HERC2: variants seen among roughly 807,000 people sequenced by gnomAD.
The protein encoded by HERC2 is E3 ubiquitin-protein ligase HERC2.
Under a neutral mutation model 537.7 loss-of-function variants are expected in HERC2, and 102 were observed. The ratio of observed to expected loss-of-function variants is 0.19; its 90% confidence interval spans 0.16 to 0.22. The LOEUF (loss-of-function observed/expected upper bound fraction) is 0.22. Ranked by LOEUF, HERC2 falls within the 10% of genes least tolerant of loss-of-function variation. The pLI, the probability that HERC2 is intolerant of heterozygous loss-of-function variation, is 1.00. For missense variants in HERC2, 4,236 were observed against 6,198.2 expected (o/e 0.68, Z 10.63); for synonymous variants, 2,224 against 2,466.2 (o/e 0.90, Z 2.91).
At chr15:28,269,170 A>T in intron 11 of HERC2, 78 bp downstream of exon 11, 1 of 1,138,402 alleles carries the variant, frequency 8.8e-7, no homozygotes, top group Non-Finnish European at 1.2e-6. Context: ...CCTTAAAGAA[A>T]CACCAGAGCT....
intron 2 of HERC2, among the ~76,000 whole-genome samples, chr15:28,301,735 GTA>G (rs55977156): frequency 0.13 from 4,386 of 34,478 alleles, 459 homozygotes; most frequent in Non-Finnish European, 0.17. Flanking sequence ...GTATGTATGT[GTA>G]TATATATATA....
Position 28,113,561 on chromosome 15 carries a change from G to A in HERC2, c.14019+12C>T, listed in dbSNP as rs1339865359. 6.2e-7 allele frequency: 1 copy of A among 1,611,200 alleles called. No individual in the cohort carries two copies. Among genetic ancestry groups the A allele is most frequent in the Non-Finnish European group, 8.5e-7 (1 of 1,177,426 alleles). On this transcript the variant is annotated intron_variant, in intron 91 of 92. Coordinates refer to ENST00000261609, the MANE Select transcript of HERC2 (RefSeq NM_004667.6). This position sits in a 1 kb window ranked among gnomAD's most constrained non-coding sequence, Gnocchi z 7.0. ...GCAGCTGCAGGGCAGCCCCACCTGG[G>A]GGTCGGCATACCATCGTCTCCAGTT...
At chr15:28,296,251 AG>A (rs2076466463) in intron 3 of HERC2, among the ~76,000 whole-genome samples, 1 of 152,122 alleles carries the variant, frequency 6.6e-6, no homozygotes, top group African/African-American at 2.4e-5. Flanking sequence ...CGAGGTGGGC[AG>A]ATCATGAGGT....
Position 28,256,126 on chromosome 15 carries a change from C to T in HERC2, c.2709G>A (p.Glu903=). 1 of 1,602,182 alleles carries T rather than the reference C, an allele frequency of 6.2e-7. No homozygotes were observed. ...GGAGAGCAGAGAGTGCCCGGGCCCG[C>T]TCCTCCGCGGTGGGCAGCAGCACGG... ...GWSVLLPTAE[E]RARALSALLP... Residue 903 remains glutamate, a synonymous_variant, in exon 18 of 93, where the codon GAG becomes GAA. Coordinates refer to ENST00000261609, the MANE Select transcript of HERC2 (RefSeq NM_004667.6).
chr15:28,321,883 G>A (rs1220221299), intron 1 of HERC2, among the ~76,000 whole-genome samples, 192 bp downstream of exon 1: 1 of 145,364 alleles, frequency 6.9e-6, no homozygotes, highest in South Asian at 2.1e-4. Context: ...TACTCAAAAG[G>A]ATCGCCTGCA....
In HERC2 at chr15:28,124,120, G is replaced by A; in HGVS notation, c.13105C>T (p.Leu4369=). The part of the protein sequence containing the change: ...LFCPCIPMFD[L]EGSLDETGLG... Reference sequence around the variant, plus strand: ...CCAGTTTCGTCGAGCGAGCCTTCCAGGTCGAACATGGGGATGCAGGGGCAG... The same window carrying A: ...CCAGTTTCGTCGAGCGAGCCTTCCAAGTCGAACATGGGGATGCAGGGGCAG... Residue 4369 remains leucine (L), a synonymous_variant, in exon 85 of 93, where the codon CTG becomes TTG. Coordinates refer to ENST00000261609, the MANE Select transcript of HERC2 (RefSeq NM_004667.6). 1 of 1,606,866 alleles carries A rather than the reference G, an allele frequency of 6.2e-7. No individual in the cohort carries two copies. Among genetic ancestry groups the A allele is most frequent in the Non-Finnish European group, 8.5e-7 (1 of 1,176,548 alleles).
chr15:28,271,019 T>C lies in HERC2; in HGVS notation c.1084-151A>G, dbSNP rs920011375. 1.3e-5 allele frequency: 9 copies of C among 676,574 alleles called. No individual in the cohort carries two copies. The African/African-American group carries it at 1.6e-4, about 12-fold the overall frequency. 41.9% of individuals were successfully genotyped at this position (676,574 alleles called of 1,614,324 possible). ...GATACAGTTATACTATACATCTATA[T>C]ATTTATGCAGCATATAAACTGACTG... On this transcript the variant is annotated intron_variant, in intron 9 of 92. Coordinates refer to ENST00000261609, the MANE Select transcript of HERC2 (RefSeq NM_004667.6).
In HERC2 at chr15:28,182,325, GTTA is replaced by G. The variant is rs1895899487; in HGVS notation, c.8937+73_8937+75del. 12 of 892,566 alleles carry G rather than the reference GTTA, an allele frequency of 1.3e-5. No individual in the cohort carries two copies. The South Asian group carries it at 1.5e-4, about 11-fold the overall frequency. 55.3% of individuals were successfully genotyped at this position (892,566 alleles called of 1,614,324 possible). On this transcript the variant is annotated intron_variant, in intron 57 of 92. Coordinates refer to ENST00000261609, the MANE Select transcript of HERC2 (RefSeq NM_004667.6). ...AACAATACAACATATAGAGAGTAAA[GTTA>G]TTATAGAAACTTCACGAGGTGTGGC...
intron 5 of HERC2, 141 bp from the exon 6 acceptor site, chr15:28,275,146 C>CAACAA (rs2075837769): frequency 4.2e-6 from 2 of 481,146 alleles, no homozygotes; most frequent in Admixed American, 3.5e-5. Context: ...GTGGATTTTT[C>CAACAA]GTTTTGTTGT....
chr15:28,222,766 G>T (rs562513405), intron 35 of HERC2, among the ~76,000 whole-genome samples: 11 of 152,256 alleles, frequency 7.2e-5, no homozygotes, highest in African/African-American at 2.6e-4. Flanking sequence ...AATGTGGTCT[G>T]TGCTGAAACC....
chr15:28,186,786 A>G (rs1296182166), intron 55 of HERC2, 34 bp from the exon 56 acceptor site: 1 of 1,514,334 alleles, frequency 6.6e-7, no homozygotes, highest in Admixed American at 1.7e-5. Context: ...TAGACTCTGT[A>G]GAATCAAGCA....
At chr15:28,209,633 G>A (rs535020661) in intron 44 of HERC2, among the ~76,000 whole-genome samples, 142 of 152,252 alleles carry the variant, frequency 9.3e-4, no homozygotes, top group African/African-American at 3.2e-3. Flanking sequence ...ATGAGCCACC[G>A]CGCCAGGCCT....
intron 78 of HERC2, among the ~76,000 whole-genome samples, chr15:28,139,909 A>G (rs1294018007): frequency 3.3e-5 from 5 of 151,494 alleles, no homozygotes; most frequent in Non-Finnish European, 7.4e-5. Context: ...AAAAAAAAAA[A>G]AAAAAAAGAT....
At chr15:28,139,330 G>A (rs1334383693) in intron 78 of HERC2, among the ~76,000 whole-genome samples, 1 of 152,124 alleles carries the variant, frequency 6.6e-6, no homozygotes, top group Non-Finnish European at 1.5e-5. Context: ...TCCCTCCTGC[G>A]CCTCCCTTGC....
At chr15:28,226,761 A>C (rs752932456) in intron 35 of HERC2, among the ~76,000 whole-genome samples, 21 of 152,244 alleles carry the variant, frequency 1.4e-4, no homozygotes, top group Non-Finnish European at 2.9e-4. Context: ...GAACTTCATC[A>C]AAATAAAAAA....
chr15:28,186,837 G>A (rs914919236), intron 55 of HERC2, 85 bp from the exon 56 acceptor site: 8 of 922,148 alleles, frequency 8.7e-6, no homozygotes, highest in East Asian at 2.4e-5. Flanking sequence ...TGTGAGACAC[G>A]AACATGTACA....
At position 28,275,062 on chromosome 15, in the gene HERC2, A is replaced by G. The variant is rs1430584284; in HGVS notation, c.543-57T>C. 6 of 1,084,710 alleles carry G rather than the reference A, an allele frequency of 5.5e-6. No individual in the cohort carries two copies. In the East Asian group the frequency reaches 1.2e-4, roughly 22 times the overall value. The allele number at this position is 1,084,710 out of a possible 1,614,324, so 67.2% of individuals were successfully genotyped here. On this transcript the variant is annotated intron_variant, in intron 5 of 92. Transcript: ENST00000261609. ...GTCAGCAGCAGAGGGTGCAGATACTACATAAAATCAATACTATGAAAGGGT... is the reference window on the plus strand; with the variant it reads ...GTCAGCAGCAGAGGGTGCAGATACTGCATAAAATCAATACTATGAAAGGGT...
At chr15:28,308,404 G>A (rs28823941) in intron 2 of HERC2, among the ~76,000 whole-genome samples, 4 of 152,176 alleles carry the variant, frequency 2.6e-5, no homozygotes, top group Admixed American at 6.6e-5. Context: ...TGTTGATTTC[G>A]TATACTGCAA....
At position 28,159,951 on chromosome 15, in the gene HERC2, G is replaced by A. The variant is rs575286125; in HGVS notation, c.10746+3143C>T. Among the ~76,000 whole-genome samples the A allele has an allele frequency of 1.3e-4, 20 of 152,344 alleles. No homozygotes were observed. In the East Asian group the frequency reaches 3.5e-3, roughly 26 times the overall value. On this transcript the variant is annotated intron_variant, in intron 69 of 92. Coordinates refer to ENST00000261609, the MANE Select transcript of HERC2 (RefSeq NM_004667.6). The stretch of plus-strand genomic sequence containing the variant: ...CTGTTTGTTAGTTTTCCTTCTAACA[G>A]TCAGGACCCTCAGCTGCAGGTCTGT...
Sources: gnomAD v4.1 joint callset for allele counts (sites outside exome capture counted in the v4.1 genomes callset) on GRCh38, gnomAD v4.1.1 for gene constraint, Gnocchi (gnomAD v3.1) non-coding constraint, MANE v1.5 for transcripts, NCBI Gene and HGNC (gene_info 2026-07-23, HGNC 2026-07-21) for gene names.